Variants in C10orf67 observed in about 807,000 individuals in gnomAD.
C10orf67 encodes the protein uncharacterized protein C10orf67, mitochondrial.
A neutral mutation model predicts 35.6 loss-of-function variants in C10orf67; 60 were observed. The ratio of observed to expected loss-of-function variants is 1.68; its 90% CI spans 1.37 to 2.09. The LOEUF is 2.09. C10orf67 is among the 30% of genes most tolerant of loss of function. The pLI is 0.00. For missense variants in C10orf67, 474 were observed against 330.2 expected, an observed-to-expected ratio of 1.44 and a Z score of -3.38; for synonymous variants, 167 against 115.8, an observed-to-expected ratio of 1.44 and a Z score of -2.84.
intron 12 of C10orf67, among the ~76,000 whole-genome samples, chr10:23,242,278 T>C (rs1309445380): frequency 6.6e-6 from 1 of 152,106 alleles, no homozygotes; most frequent in Non-Finnish European, 1.5e-5. Flanking sequence ...CTACTGACAT[T>C]ATTAATTGGC....
chr10:23,298,171 C>T (rs1356150783), intron 5 of C10orf67, among the ~76,000 whole-genome samples: 2 of 152,124 alleles, frequency 1.3e-5, no homozygotes, highest in Non-Finnish European at 2.9e-5. Context: ...AGGAGGATGG[C>T]ATGAACCTGG....
rs142184488 is a variant in C10orf67 at position 23,209,237 on chromosome 10, A to G, written c.1571-4982T>C. On this transcript the variant is annotated intron_variant, in intron 15 of 15. Transcript: ENST00000636213. ...GATTCAACAGGGAATAACAAAGTGT[A>G]AAAAAGTGAAGCGAAATATGAAATC... 2.0e-3 allele frequency among the ~76,000 whole-genome samples: 299 copies of G among 152,246 alleles called. 3 individuals carry two copies. The highest frequency in any genetic ancestry group is 5.7e-3 in the African/African-American group (236 of 41,538).
rs1163825652 is a variant in C10orf67, at chr10:23,250,819, G to A, written c.1201-128C>T. On this transcript the variant is annotated intron_variant, in intron 10 of 15. Transcript: ENST00000636213. ...ACTACTATCAAACATAATTTGAGGCGGGGCACGGTGACTCACGCCTGTAAT... is the reference window on the plus strand; with the variant it reads ...ACTACTATCAAACATAATTTGAGGCAGGGCACGGTGACTCACGCCTGTAAT... 5.6e-5 allele frequency: 22 copies of A among 392,814 alleles called. No individual in the cohort carries two copies. In the South Asian group the frequency reaches 8.6e-4, roughly 15 times the overall value. 24.3% of individuals were successfully genotyped at this position (392,814 alleles called of 1,614,324 possible).
At chr10:23,332,386 A>G (rs1437981284) in intron 2 of C10orf67, among the ~76,000 whole-genome samples, 2 of 152,166 alleles carry the variant, frequency 1.3e-5, no homozygotes, top group African/African-American at 4.8e-5. Flanking sequence ...CTCCTTTACA[A>G]TCAAAAAAGA....
chr10:23,342,218 C>CCACACACACACACA (rs111662364), intron 1 of C10orf67, among the ~76,000 whole-genome samples: 100 of 149,688 alleles, frequency 6.7e-4, no homozygotes, highest in African/African-American at 2.1e-3. Context: ...TCCCCACTTG[C>CCACACACACACACA]CACACACACA....
chr10:23,213,389 A>G (rs888528124), intron 15 of C10orf67, among the ~76,000 whole-genome samples: 1 of 152,244 alleles, frequency 6.6e-6, no homozygotes, highest in Non-Finnish European at 1.5e-5. Flanking sequence ...TGATAAATAC[A>G]TCATTGAATA....
intron 3 of C10orf67, among the ~76,000 whole-genome samples, chr10:23,321,319 G>A (rs915215727): frequency 2.6e-5 from 4 of 152,196 alleles, no homozygotes; most frequent in African/African-American, 9.7e-5. Flanking sequence ...TATCAATTCT[G>A]ATTTCAGCAT....
chr10:23,275,620 G>C (rs183432185), intron 8 of C10orf67, among the ~76,000 whole-genome samples: 1 of 152,086 alleles, frequency 6.6e-6, no homozygotes, highest in Non-Finnish European at 1.5e-5. Context: ...CACACACACA[G>C]AGGCACTCTA....
intron 4 of C10orf67, among the ~76,000 whole-genome samples, chr10:23,312,898 TCTC>T (rs1194198265): frequency 2.0e-5 from 3 of 152,138 alleles, no homozygotes; most frequent in African/African-American, 7.2e-5. Flanking sequence ...AAGAAGAAAT[TCTC>T]CTAGAGGACT....
chr10:23,212,373 C>G, intron 15 of C10orf67, among the ~76,000 whole-genome samples: 1 of 152,124 alleles, frequency 6.6e-6, no homozygotes, highest in East Asian at 1.9e-4. Context: ...ATACATAGCC[C>G]AAACCACACG....
chr10:23,243,627 C>T (rs940683928), intron 12 of C10orf67, among the ~76,000 whole-genome samples: 6 of 150,336 alleles, frequency 4.0e-5, no homozygotes, highest in Non-Finnish European at 7.4e-5. Context: ...GCGGAGGTTG[C>T]GGTGAGCTGA....
At chr10:23,207,605 T>C (rs1841193083) in intron 15 of C10orf67, among the ~76,000 whole-genome samples, 1 of 152,156 alleles carries the variant, frequency 6.6e-6, no homozygotes, top group African/African-American at 2.4e-5. Context: ...ATTAGATGGG[T>C]GATTTCAGTT....
chr10:23,320,212 A>G (rs1844891345), intron 4 of C10orf67, among the ~76,000 whole-genome samples: 1 of 152,238 alleles, frequency 6.6e-6, no homozygotes, highest in Non-Finnish European at 1.5e-5. Flanking sequence ...CAAAAAATTT[A>G]TTTATGGAAG....
intron 12 of C10orf67, among the ~76,000 whole-genome samples, chr10:23,244,899 CT>C (rs1842280996): frequency 6.6e-6 from 1 of 152,100 alleles, no homozygotes; most frequent in Admixed American, 6.5e-5. Context: ...AGCCAAAGCA[CT>C]TTTGAGAAAA....
chr10:23,247,307 T>C (rs890860306), intron 12 of C10orf67, among the ~76,000 whole-genome samples: 4 of 152,174 alleles, frequency 2.6e-5, no homozygotes, highest in African/African-American at 9.7e-5. Context: ...TTCTTTATCT[T>C]TTATACCGCA....
At chr10:23,329,804 A>AAAAAAAAG (rs1845367285) in intron 2 of C10orf67, among the ~76,000 whole-genome samples, 1 of 149,760 alleles carries the variant, frequency 6.7e-6, no homozygotes, top group Admixed American at 6.7e-5. Flanking sequence ...TCTCAAAAAA[A>AAAAAAAAG]AAAAAAAAAA....
In C10orf67 at chr10:23,311,733, C is replaced by G. The variant is rs564017015; in HGVS notation, c.547-8274G>C. Among the ~76,000 whole-genome samples, 16 of 95,900 alleles carry G rather than the reference C, an allele frequency of 1.7e-4. No homozygotes were observed. The South Asian group carries it at 4.6e-3, about 27-fold the overall frequency. The allele number at this position is 95,900 out of a possible 152,430, so 62.9% of individuals were successfully genotyped here. A position where few individuals can be genotyped will look rare whatever the true frequency, so the allele number is the denominator to read the frequency against. On this transcript the variant is annotated intron_variant, in intron 4 of 15. Coordinates refer to ENST00000636213, the MANE Select transcript of C10orf67 (RefSeq NM_001371909.1). ...TCTCAAAGAAAAAAAAAAAGAAATT[C>G]TAGCTTGGGTTCAGTAACAACATCA...
chr10:23,217,761 A>G (rs977850846), intron 15 of C10orf67, among the ~76,000 whole-genome samples: 14 of 152,234 alleles, frequency 9.2e-5, no homozygotes, highest in Admixed American at 8.5e-4. Context: ...TATTTATTAA[A>G]TGAAATATTG....
intron 10 of C10orf67, among the ~76,000 whole-genome samples, chr10:23,259,627 A>G (rs1236202200): frequency 1.3e-5 from 2 of 152,190 alleles, no homozygotes; most frequent in Non-Finnish European, 2.9e-5. Flanking sequence ...TGAAAGAACT[A>G]TAATCAAAAT....
Sources: allele counts gnomAD v4.1 joint callset (sites outside exome capture counted in the v4.1 genomes callset), GRCh38; gene constraint gnomAD v4.1.1; transcripts MANE v1.5; gene names NCBI Gene and HGNC (gene_info 2026-07-23, HGNC 2026-07-21).